The following GRAMD4 variants were observed in gnomAD, a reference collection of about 807,000 sequenced individuals.
GRAMD4 encodes GRAM domain containing 4, also known as GRAM domain-containing protein 4.
GRAMD4 carries 25 observed loss-of-function variants against 83.9 expected under a neutral mutation model. The ratio of observed to expected loss-of-function variants is 0.30; its 90% confidence interval spans 0.22 to 0.42. The LOEUF (loss-of-function observed/expected upper bound fraction) is 0.42, where lower values mean the gene tolerates loss of function less well. Ranked by LOEUF, GRAMD4 falls within the 10% of genes least tolerant of loss-of-function variation. The pLI, the probability that GRAMD4 is intolerant of heterozygous loss-of-function variation, is 1.00. For missense variants in GRAMD4, 593 were observed against 788.7 expected, an observed-to-expected ratio of 0.75 and a Z score of 2.97; for synonymous variants, 336 against 320.9, an observed-to-expected ratio of 1.05 and a Z score of -0.50.
intron 2 of GRAMD4, among the ~76,000 whole-genome samples, chr22:46,633,720 A>G (rs1210573142): frequency 6.6e-6 from 1 of 152,170 alleles, no homozygotes; most frequent in African/African-American, 2.4e-5. Flanking sequence ...CACTTGAGAC[A>G]ATCCCAGGAA....
intron 1 of GRAMD4, among the ~76,000 whole-genome samples, chr22:46,594,586 G>C (rs986656908): frequency 3.3e-5 from 1 of 30,568 alleles, no homozygotes; most frequent in Admixed American, 2.8e-4. Context: ...CTGGTTGGGT[G>C]GGGGGGGTTA....
intron 1 of GRAMD4, among the ~76,000 whole-genome samples, chr22:46,589,480 T>C (rs1040755867): frequency 5.3e-5 from 8 of 150,646 alleles, no homozygotes; most frequent in Admixed American, 4.6e-4. Context: ...TGGGGAGGGC[T>C]GCCCAGGGAG....
chr22:46,614,191 C>T (rs933996082), intron 1 of GRAMD4, among the ~76,000 whole-genome samples: 1 of 152,238 alleles, frequency 6.6e-6, no homozygotes, highest in Admixed American at 6.5e-5. Flanking sequence ...GCGTGTGCTG[C>T]CGAGGTTCCC....
rs1279706779 is a variant in GRAMD4 at position 46,663,835 on chromosome 22, T to C, written c.600-3T>C. The C allele has an allele frequency of 6.2e-7, 1 of 1,613,286 alleles. No homozygotes were observed. Among genetic ancestry groups the C allele is most frequent in the South Asian group, 1.1e-5 (1 of 91,084 alleles). On this transcript the variant is annotated splice_region_variant and splice_polypyrimidine_tract_variant and intron_variant, in intron 6 of 18. Coordinates refer to ENST00000406902, the MANE Select transcript of GRAMD4 (RefSeq NM_015124.5). ...GGCTCCCATCTCTCCCCTTCTCTCTTAGGTTAACTGAAAATATGAGACGGC... is the reference window on the plus strand; with the variant it reads ...GGCTCCCATCTCTCCCCTTCTCTCTCAGGTTAACTGAAAATATGAGACGGC...
chr22:46,671,833 CAAAAA>C (rs943461838), intron 13 of GRAMD4, among the ~76,000 whole-genome samples: 1 of 151,856 alleles, frequency 6.6e-6, no homozygotes, highest in Non-Finnish European at 1.5e-5. Context: ...GACTCTGTCT[CAAAAA>C]AAAGAATCAA....
chr22:46,608,054 C>T (rs1259685836), intron 1 of GRAMD4, among the ~76,000 whole-genome samples: 3 of 152,202 alleles, frequency 2.0e-5, no homozygotes, highest in African/African-American at 4.8e-5. Context: ...CTGTCGGGCA[C>T]GTAGTAGGTG....
At chr22:46,625,867 G>A (rs550121923) in intron 1 of GRAMD4, among the ~76,000 whole-genome samples, 1 of 152,366 alleles carries the variant, frequency 6.6e-6, no homozygotes, top group South Asian at 2.1e-4. Context: ...CCGCCCTTTG[G>A]CACGTGGTGT....
At chr22:46,582,758 C>T (rs2081110425) in intron 1 of GRAMD4, among the ~76,000 whole-genome samples, 2 of 152,152 alleles carry the variant, frequency 1.3e-5, no homozygotes, top group African/African-American at 4.8e-5. Flanking sequence ...GTGTAATTCA[C>T]ACATCATACA....
rs773416154 is a variant in GRAMD4 at position 46,677,231 on chromosome 22, G to A, written c.1717G>A (p.Ala573Thr). The A allele has an allele frequency of 5.0e-6, 8 of 1,613,470 alleles. No homozygotes were observed. Among genetic ancestry groups the A allele is most frequent in the Non-Finnish European group, 6.8e-6 (8 of 1,179,818 alleles). Residue 573 changes from alanine to threonine, a missense_variant, in exon 19 of 19, where the codon GCG (alanine) becomes ACG (threonine). Ala to Thr is a moderately conservative substitution (Grantham distance 58, BLOSUM62 0). Around this residue, in one of 4 missense-constraint regions of GRAMD4, gnomAD observed 74 missense variants for 152.7 expected, o/e 0.48. Coordinates refer to ENST00000406902, the MANE Select transcript of GRAMD4 (RefSeq NM_015124.5). ...SQYIKITSAA[A>T]SGGDS ...GTACATCAAGATCACCTCAGCGGCA[G>A]CGTCTGGCGGGGACAGCTAGTATTG...
At chr22:46,653,999 TGG>T (rs2082205345) in intron 3 of GRAMD4, among the ~76,000 whole-genome samples, 1 of 152,210 alleles carries the variant, frequency 6.6e-6, no homozygotes, top group African/African-American at 2.4e-5. Flanking sequence ...GCTCCGAATT[TGG>T]GACTGAGCCA....
At chr22:46,658,008 G>T (rs1221476969) in intron 3 of GRAMD4, among the ~76,000 whole-genome samples, 179 bp from the exon 4 acceptor site, 2 of 152,174 alleles carry the variant, frequency 1.3e-5, no homozygotes, top group Non-Finnish European at 2.9e-5. Flanking sequence ...GCTGGATGGG[G>T]ACCAGTTCAT....
Position 46,661,459 on chromosome 22 carries a change from G to A in GRAMD4, c.466+17G>A, listed in dbSNP as rs758540844. The A allele has an allele frequency of 6.9e-6, 11 of 1,591,818 alleles. No homozygotes were observed. Among genetic ancestry groups the A allele is most frequent in the Admixed American group, 6.7e-5 (4 of 59,940 alleles). On this transcript the variant is annotated intron_variant, in intron 5 of 18. Transcript: ENST00000406902. ...ATGGAGCAGGTACACCCTGGTGGGC[G>A]GGTGGACAGGCAGGCGGGCGGGTGG...
At position 46,658,365 on chromosome 22, in the gene GRAMD4, A is replaced by ACCCGC. The variant is rs1407593164; in HGVS notation, c.404+65_404+69dup. The ACCCGC allele has an allele frequency of 9.9e-5, 76 of 769,098 alleles. No homozygotes were observed. In the Middle Eastern group the frequency reaches 1.9e-3, roughly 19 times the overall value. The allele number at this position is 769,098 out of a possible 1,614,324, so 47.6% of individuals were successfully genotyped here. On this transcript the variant is annotated intron_variant, in intron 4 of 18. Coordinates refer to ENST00000406902, the MANE Select transcript of GRAMD4 (RefSeq NM_015124.5). ...TGCGGCTGCCCCAACCCCCCACCCC[A>ACCCGC]CCCGCCCCGCCGTCCTCTGCTGCAC...
intron 3 of GRAMD4, among the ~76,000 whole-genome samples, chr22:46,645,819 C>A (rs1409470254): frequency 6.6e-6 from 1 of 152,176 alleles, no homozygotes; most frequent in Non-Finnish European, 1.5e-5. Flanking sequence ...TTATTTAGCC[C>A]AAATGCATTT....
chr22:46,605,289 C>T (rs1483846897), intron 1 of GRAMD4, among the ~76,000 whole-genome samples: 1 of 152,214 alleles, frequency 6.6e-6, no homozygotes, highest in Non-Finnish European at 1.5e-5. Flanking sequence ...AATTTCCTTC[C>T]TTTTCAGGGC....
At chr22:46,666,800 GGT>G in intron 9 of GRAMD4, 23 bp from the exon 10 acceptor site, 4 of 1,604,708 alleles carry the variant, frequency 2.5e-6, no homozygotes, top group Non-Finnish European at 3.4e-6. Context: ...CTGTCCTAAA[GGT>G]GTGTGTGTTT....
intron 3 of GRAMD4, among the ~76,000 whole-genome samples, chr22:46,656,290 C>A (rs552512858): frequency 6.6e-6 from 1 of 152,344 alleles, no homozygotes; most frequent in East Asian, 1.9e-4. Flanking sequence ...TCCAGCACCC[C>A]CAGTGGGAGT....
intron 1 of GRAMD4, among the ~76,000 whole-genome samples, chr22:46,612,445 G>T (rs1451316063): frequency 6.6e-6 from 1 of 152,202 alleles, no homozygotes; most frequent in Non-Finnish European, 1.5e-5. Flanking sequence ...GTGGTGTTGA[G>T]CAGGCTCAGG....
Position 46,677,139 on chromosome 22 carries a change from C to T in GRAMD4, c.1633-8C>T. 6.2e-7 allele frequency: 1 copy of T among 1,612,490 alleles called. No individual in the cohort carries two copies. The highest frequency in any genetic ancestry group is 8.5e-7 in the Non-Finnish European group (1 of 1,179,594). On this transcript the variant is annotated splice_region_variant and splice_polypyrimidine_tract_variant and intron_variant, in intron 18 of 18. Coordinates refer to ENST00000406902, the MANE Select transcript of GRAMD4 (RefSeq NM_015124.5). The stretch of plus-strand genomic sequence containing the variant: ...CCATGCTCACTGGTGGCATTTCTTC[C>T]CTGCCAGCCGCTCGTGTTTGGTGCC...
Sources: gnomAD v4.1 joint callset for allele counts (sites outside exome capture counted in the v4.1 genomes callset) on GRCh38, gnomAD v4.1.1 for gene constraint, gnomAD v4.1.1 regional missense constraint, MANE v1.5 for transcripts, NCBI Gene and HGNC (gene_info 2026-07-23, HGNC 2026-07-21) for gene names.